Variants in SLC23A2 observed in about 807,000 individuals in gnomAD.
The protein encoded by SLC23A2 is solute carrier family 23 member 2.
SLC23A2 carries 36 observed loss-of-function variants against 73.3 expected under a neutral mutation model. That is an observed-to-expected ratio of 0.49 (90% CI 0.38 to 0.65). The LOEUF is 0.65. SLC23A2 is among the 30% of genes least tolerant of loss of function. The probability of loss-of-function intolerance (pLI) is 0.00; values close to 1 mark genes in which losing one functional copy is unlikely to be tolerated. For synonymous variants in SLC23A2, 343 were observed against 327.3 expected (o/e 1.05, Z -0.52); for missense variants, 507 against 841.6 (o/e 0.60, Z 4.92).
intron 3 of SLC23A2, among the ~76,000 whole-genome samples, chr20:4,927,117 GCCACTAGC>G (rs1207843998): frequency 6.6e-6 from 1 of 152,064 alleles, no homozygotes; most frequent in African/African-American, 2.4e-5. Flanking sequence ...AGATGGGCTA[GCCACTAGC>G]CACGTGTGGC....
At chr20:4,873,575 T>C (rs1292772156) in intron 11 of SLC23A2, among the ~76,000 whole-genome samples, 1 of 152,224 alleles carries the variant, frequency 6.6e-6, no homozygotes, top group Non-Finnish European at 1.5e-5. Flanking sequence ...CCCACTCACA[T>C]CTTTCCACTT....
intron 13 of SLC23A2, among the ~76,000 whole-genome samples, chr20:4,865,384 G>A (rs1930150991): frequency 6.6e-6 from 1 of 152,204 alleles, no homozygotes; most frequent in Non-Finnish European, 1.5e-5. Context: ...AGGTAGGGAG[G>A]CACTCAGGTG....
chr20:4,991,971 G>T (rs931473116), intron 1 of SLC23A2, among the ~76,000 whole-genome samples: 5 of 151,862 alleles, frequency 3.3e-5, no homozygotes, highest in Admixed American at 6.6e-5. Flanking sequence ...TTAGCCAGGC[G>T]TGGTGGCACA....
chr20:4,976,306 T>C (rs2087643832), intron 1 of SLC23A2, among the ~76,000 whole-genome samples: 1 of 152,182 alleles, frequency 6.6e-6, no homozygotes, highest in African/African-American at 2.4e-5. Context: ...CCACTTGAAA[T>C]AGAGGACATT....
At chr20:4,914,605 T>G (rs1932263344) in intron 3 of SLC23A2, among the ~76,000 whole-genome samples, 1 of 152,118 alleles carries the variant, frequency 6.6e-6, no homozygotes, top group Non-Finnish European at 1.5e-5. Context: ...TCTAGAAATA[T>G]CCATGCAGGT....
At chr20:4,893,760 C>T (rs1367988122) in intron 6 of SLC23A2, among the ~76,000 whole-genome samples, 1 of 152,196 alleles carries the variant, frequency 6.6e-6, no homozygotes, top group African/African-American at 2.4e-5. Flanking sequence ...CTACAGCAGG[C>T]CTGAGAACGG....
intron 4 of SLC23A2, among the ~76,000 whole-genome samples, chr20:4,908,678 CA>C (rs1370071160): frequency 3.9e-5 from 6 of 152,166 alleles, no homozygotes; most frequent in Non-Finnish European, 8.8e-5. Flanking sequence ...CCTGTAATCC[CA>C]GCACTTTGGG....
chr20:4,857,883 A>G lies in SLC23A2; in HGVS notation c.1721-679T>C, dbSNP rs541071469. 3.9e-5 allele frequency among the ~76,000 whole-genome samples: 6 copies of G among 152,294 alleles called. No individual in the cohort carries two copies. Among genetic ancestry groups the G allele is most frequent in the African/African-American group, 1.2e-4 (5 of 41,558 alleles). Reference sequence around the variant, plus strand: ...GAGGCAGAGACTGCAGTGAGCTGAGATCATGCCATTGCACTCTAGCCTGGG... The same window carrying G: ...GAGGCAGAGACTGCAGTGAGCTGAGGTCATGCCATTGCACTCTAGCCTGGG... On this transcript the variant is annotated intron_variant, in intron 16 of 16. Coordinates refer to ENST00000338244, the MANE Select transcript of SLC23A2 (RefSeq NM_005116.6). This position sits in a 1 kb window ranked among gnomAD's most constrained non-coding sequence, Gnocchi z 4.0.
intron 1 of SLC23A2, among the ~76,000 whole-genome samples, chr20:4,992,029 G>A (rs951870149): frequency 6.6e-6 from 1 of 152,072 alleles, no homozygotes; most frequent in Non-Finnish European, 1.5e-5. Context: ...AGAATCACTT[G>A]AACCTGGGAG....
intron 1 of SLC23A2, among the ~76,000 whole-genome samples, chr20:4,999,290 GAC>G (rs2088076848): frequency 6.6e-6 from 1 of 152,118 alleles, no homozygotes; most frequent in Non-Finnish European, 1.5e-5. Context: ...GAGGGCAAAA[GAC>G]ACAGTTTATT....
intron 9 of SLC23A2, among the ~76,000 whole-genome samples, chr20:4,880,728 C>T (rs572270514): frequency 6.6e-6 from 1 of 151,834 alleles, no homozygotes; most frequent in South Asian, 2.1e-4. Flanking sequence ...TCATGTCCCA[C>T]CTCTGCATGC....
chr20:4,923,648 G>C (rs971543433), intron 3 of SLC23A2, among the ~76,000 whole-genome samples: 2 of 152,110 alleles, frequency 1.3e-5, no homozygotes, highest in Non-Finnish European at 2.9e-5. Context: ...CATTTTCCCA[G>C]ACAACTATTA....
intron 2 of SLC23A2, among the ~76,000 whole-genome samples, chr20:4,942,136 C>A (rs2087051526): frequency 1.3e-5 from 2 of 152,184 alleles, no homozygotes; most frequent in South Asian, 4.1e-4. Flanking sequence ...ACAGCATCTA[C>A]CCCCTTTACA....
intron 2 of SLC23A2, among the ~76,000 whole-genome samples, chr20:4,937,212 A>G (rs1380607793): frequency 1.3e-5 from 2 of 152,124 alleles, no homozygotes; most frequent in African/African-American, 4.8e-5. Flanking sequence ...GCAAAATGCA[A>G]CAGATAAAAG....
Position 4,884,792 on chromosome 20 carries a change from C to A in SLC23A2, c.603G>T (p.Leu201=). Reference sequence around the variant, plus strand: ...GATACCAGATGTGTTCTGTGTGCAACAGCTCTGCTGTTCCATTGGCAACTG... The same window carrying A: ...GATACCAGATGTGTTCTGTGTGCAAAAGCTCTGCTGTTCCATTGGCAACTG... ...DVSVANGTAE[L]LHTEHIWYPR... Residue 201 remains leucine, a synonymous_variant, in exon 8 of 17, where the codon CTG becomes CTT. Coordinates refer to ENST00000338244, the MANE Select transcript of SLC23A2 (RefSeq NM_005116.6). 2 of 1,588,764 alleles carry A rather than the reference C, an allele frequency of 1.3e-6. No individual in the cohort carries two copies. Among genetic ancestry groups the A allele is most frequent in the Non-Finnish European group, 1.7e-6 (2 of 1,172,708 alleles).
intron 2 of SLC23A2, among the ~76,000 whole-genome samples, chr20:4,943,018 A>G (rs908070682): frequency 6.6e-6 from 1 of 151,864 alleles, no homozygotes; most frequent in Non-Finnish European, 1.5e-5. Flanking sequence ...GTTCGAGATC[A>G]GCCTGAGCAA....
In SLC23A2 at chr20:4,857,930, TAAAAA is replaced by T. The variant is rs1344993201; in HGVS notation, c.1721-731_1721-727del. Among the ~76,000 whole-genome samples, 48 of 150,940 alleles carry T rather than the reference TAAAAA, an allele frequency of 3.2e-4. No individual in the cohort carries two copies. Among genetic ancestry groups the T allele is most frequent in the Admixed American group, 3.9e-4 (6 of 15,234 alleles). On this transcript the variant is annotated intron_variant, in intron 16 of 16. Coordinates refer to ENST00000338244, the MANE Select transcript of SLC23A2 (RefSeq NM_005116.6). The surrounding 1 kb of genome is among the most constrained non-coding windows in gnomAD (Gnocchi z 4.0). ...TGGGCAACAGAGCAAGACTCTGTCT[TAAAAA>T]CAAAACAAAACAAAACAAAACAAAC... is the stretch of plus-strand genomic sequence containing the variant.
At chr20:4,901,238 G>C (rs138158483) in intron 5 of SLC23A2, among the ~76,000 whole-genome samples, 6 of 152,050 alleles carry the variant, frequency 3.9e-5, no homozygotes, top group African/African-American at 1.2e-4. Context: ...TACCTGAAAC[G>C]GGGTGAGGGA....
At chr20:4,912,799 G>A in intron 4 of SLC23A2, 81 bp downstream of exon 4, 1 of 882,406 alleles carries the variant, frequency 1.1e-6, no homozygotes, top group Non-Finnish European at 1.9e-6. Flanking sequence ...TGTCTGAAAG[G>A]GATCCGGATC....
Sources: gnomAD v4.1 joint callset for allele counts (sites outside exome capture counted in the v4.1 genomes callset) on GRCh38, gnomAD v4.1.1 for gene constraint, Gnocchi (gnomAD v3.1) non-coding constraint, MANE v1.5 for transcripts, NCBI Gene and HGNC (gene_info 2026-07-23, HGNC 2026-07-21) for gene names.